TMEM222: variants seen among roughly 807,000 people sequenced by gnomAD.
TMEM222 encodes the protein transmembrane protein 222, also known as chromosome 1 open reading frame 160.
Under a neutral mutation model 25.1 loss-of-function variants are expected in TMEM222, and 18 were observed. The observed-to-expected ratio is 0.72, with a 90% CI of 0.50 to 1.06. The LOEUF (loss-of-function observed/expected upper bound fraction) is 1.06, where lower values mean the gene tolerates loss of function less well. Ranked by LOEUF, TMEM222 falls within the 50% of genes least tolerant of loss-of-function variation. The pLI is 0.00. For synonymous variants in TMEM222, 131 were observed against 117.9 expected, an observed-to-expected ratio of 1.11 and a Z score of -0.72; for missense variants, 296 against 293.7, an observed-to-expected ratio of 1.01 and a Z score of -0.06.
intron 5 of TMEM222, 119 bp from the exon 6 acceptor site, chr1:27,335,260 T>G: frequency 5.4e-6 from 5 of 929,324 alleles, no homozygotes; most frequent in Non-Finnish European, 8.5e-6. Flanking sequence ...GGTGAGGGGG[T>G]GGTTGGGTTT....
intron 1 of TMEM222, among the ~76,000 whole-genome samples, chr1:27,329,420 G>A (rs2014427983): frequency 6.6e-6 from 1 of 152,064 alleles, no homozygotes; most frequent in Non-Finnish European, 1.5e-5. Context: ...TGGACCTCTA[G>A]CCATAGATCA....
intron 2 of TMEM222, chr1:27,331,050 C>T (rs1244984275): frequency 7.1e-7 from 1 of 1,409,854 alleles, no homozygotes; most frequent in Non-Finnish European, 9.3e-7. Context: ...TTTGCCCCCA[C>T]CCCTGGGGTA....
intron 3 of TMEM222, chr1:27,332,974 C>T: frequency 3.5e-6 from 1 of 289,060 alleles, no homozygotes; most frequent in South Asian, 3.4e-5. Context: ...GGCGCCCTGA[C>T]CTCCCAGCTC....
chr1:27,330,776 G>T lies in TMEM222; in HGVS notation c.251G>T (p.Arg84Leu). 3.1e-6 allele frequency: 5 copies of T among 1,614,138 alleles called. No homozygotes were observed. The highest frequency in any genetic ancestry group is 4.2e-6 in the Non-Finnish European group (5 of 1,180,032). Residue 84 changes from arginine to leucine, a missense_variant, in exon 2 of 6, where the codon CGG becomes CTG. Physicochemically the swap from Arg to Leu is moderately radical, Grantham distance 102 (BLOSUM62 -2). Transcript: ENST00000374076. ...ATCTGCACATCCACAGGAGTCATTC[G>T]GGACTTCGCGGGCCCCTACTTTGTC... ...MGICTSTGVI[R>L]DFAGPYFVSE...
rs572303112 is a variant in TMEM222, at chr1:27,322,248, C to G, written c.51C>G (p.Pro17=). ...SSLLLLPPPP[P]PPRMAEVEAP... is the part of the protein sequence containing the mutation. ...TGCTCTTGTTGCCGCCGCCGCCACCCCCGCCCAGGATGGCGGAAGTGGAGG... is the reference window on the plus strand; with the variant it reads ...TGCTCTTGTTGCCGCCGCCGCCACCGCCGCCCAGGATGGCGGAAGTGGAGG... Residue 17 remains proline, a synonymous_variant, in exon 1 of 6, where the codon CCC becomes CCG. Coordinates refer to ENST00000374076, the MANE Select transcript of TMEM222 (RefSeq NM_032125.3). The G allele has an allele frequency of 6.7e-7, 1 of 1,494,464 alleles. No individual in the cohort carries two copies. The highest frequency in any genetic ancestry group is 1.4e-5 in the African/African-American group (1 of 69,880). 92.6% of individuals were successfully genotyped at this position (1,494,464 alleles called of 1,614,324 possible).
intron 1 of TMEM222, chr1:27,325,374 C>A: frequency 1.0e-6 from 1 of 969,224 alleles, no homozygotes; most frequent in Non-Finnish European, 1.7e-6. Context: ...ATCCTCCTCC[C>A]TGGAGAAGAG....
At position 27,322,358 on chromosome 1, in the gene TMEM222, A is replaced by G. The variant is rs780652613; in HGVS notation, c.161A>G (p.Tyr54Cys). Residue 54 changes from tyrosine to cysteine, a missense_variant, in exon 1 of 6, where the codon TAC (tyrosine) becomes TGC (cysteine). By Grantham distance (194) the Tyr-to-Cys change is radical. Coordinates refer to ENST00000374076, the MANE Select transcript of TMEM222 (RefSeq NM_032125.3). Reference protein sequence around the residue: ...AMDVERSRFPYCVVWTPIPVL... With the variant: ...AMDVERSRFPCCVVWTPIPVL... ...GATGTGGAACGGAGTCGCTTCCCCT[A>G]CTGCGTGGTGTGGACGCCCATCCCG... 6.0e-6 allele frequency: 9 copies of G among 1,504,868 alleles called. No individual in the cohort carries two copies. The highest frequency in any genetic ancestry group is 8.0e-6 in the Non-Finnish European group (9 of 1,118,410). The allele number at this position is 1,504,868 out of a possible 1,614,324, so 93.2% of individuals were successfully genotyped here. A position where few individuals can be genotyped will look rare whatever the true frequency, so the allele number is the denominator to read the frequency against.
chr1:27,331,358 G>A (rs969979510), intron 2 of TMEM222, among the ~76,000 whole-genome samples: 15 of 152,164 alleles, frequency 9.9e-5, no homozygotes, highest in Non-Finnish European at 1.9e-4. Context: ...GCACCAACCT[G>A]TTTATATTAA....
intron 1 of TMEM222, chr1:27,325,814 G>A (rs2014332203): frequency 3.7e-6 from 3 of 800,544 alleles, no homozygotes; most frequent in East Asian, 2.4e-5. Context: ...GCGAGCCGAT[G>A]CGTAGCATTT....
chr1:27,326,355 T>C (rs956323406), intron 1 of TMEM222, among the ~76,000 whole-genome samples: 2 of 152,224 alleles, frequency 1.3e-5, no homozygotes, highest in African/African-American at 4.8e-5. Context: ...AGTTTGCATT[T>C]ACACCTGTAA....
intron 3 of TMEM222, 57 bp from the exon 4 acceptor site, chr1:27,333,901 T>G: frequency 6.5e-7 from 1 of 1,528,134 alleles, no homozygotes; most frequent in East Asian, 2.3e-5. Context: ...AGGACGTGCG[T>G]AGAGCTGAGG....
intron 5 of TMEM222, chr1:27,334,788 C>G: frequency 8.9e-7 from 1 of 1,120,768 alleles, no homozygotes; most frequent in Non-Finnish European, 1.1e-6. Context: ...TCCAAGCTTT[C>G]CTCTTAGCCA....
rs536731867 is a variant in TMEM222 at position 27,329,552 on chromosome 1, T to C, written c.195-1168T>C. ...GTTGTGTGTAGCAGAAGTGACACTG[T>C]TTTTCATTGTTATGGACTATTTCAA... On this transcript the variant is annotated intron_variant, in intron 1 of 5. Transcript: ENST00000374076. Among the ~76,000 whole-genome samples the C allele has an allele frequency of 1.6e-4, 24 of 152,314 alleles. 1 individual carries two copies. The highest frequency in any genetic ancestry group is 2.9e-5 in the Non-Finnish European group (2 of 68,026).
At chr1:27,335,123 G>T (rs948266098) in intron 5 of TMEM222, 9 of 557,974 alleles carry the variant, frequency 1.6e-5, no homozygotes, top group African/African-American at 1.5e-4. Flanking sequence ...CATGTTTCCT[G>T]TTCCCAACCA....
chr1:27,333,806 T>G, intron 3 of TMEM222, 152 bp from the exon 4 acceptor site: 1 of 647,050 alleles, frequency 1.5e-6, no homozygotes, highest in Non-Finnish European at 2.7e-6. Flanking sequence ...GTGTCACAGT[T>G]GACTGCCACA....
At chr1:27,333,111 A>G (rs1251122583) in intron 3 of TMEM222, 2 of 348,460 alleles carry the variant, frequency 5.7e-6, no homozygotes, top group African/African-American at 4.3e-5. Flanking sequence ...CTGGGAGACT[A>G]GGGGAGAGTG....
chr1:27,331,263 C>A, intron 2 of TMEM222: 4 of 650,214 alleles, frequency 6.2e-6, no homozygotes, highest in Non-Finnish European at 7.8e-6. Flanking sequence ...GGGCTGTGAC[C>A]AAGACTGGTC....
At chr1:27,324,602 A>G (rs374366252) in intron 1 of TMEM222, among the ~76,000 whole-genome samples, 1 of 152,212 alleles carries the variant, frequency 6.6e-6, no homozygotes, top group African/African-American at 2.4e-5. Flanking sequence ...CAAAGGGTTC[A>G]TGTTCCCTTC....
chr1:27,327,669 G>A (rs562586011), intron 1 of TMEM222, among the ~76,000 whole-genome samples: 10 of 152,348 alleles, frequency 6.6e-5, no homozygotes, highest in East Asian at 1.9e-4. Context: ...GATTACAGGC[G>A]TGAGCCACTG....
Sources: gnomAD v4.1 joint callset for allele counts (sites outside exome capture counted in the v4.1 genomes callset) on GRCh38, gnomAD v4.1.1 for gene constraint, MANE v1.5 for transcripts, NCBI Gene and HGNC (gene_info 2026-07-23, HGNC 2026-07-21) for gene names.